DRC4: variants seen among roughly 807,000 people sequenced by gnomAD.
DRC4 encodes the protein dynein regulatory complex subunit 4, also known as GAS-11.
At chr16:90,024,842 G>T in the DRC4 span, among the ~76,000 whole-genome samples, 303 of 151,994 alleles carry the variant, frequency 2.0e-3, no homozygotes, top group African/African-American at 6.9e-3. Context: ...ACAAAAAAAT[G>T]CAACAGCAAA....
chr16:90,037,710 T>A, the DRC4 span: 1 of 1,538,604 alleles, frequency 6.5e-7, no homozygotes, highest in South Asian at 1.1e-5. Context: ...GTTACTTGGA[T>A]GACTGTGAAT....
chr16:90,025,672 AAGAG>A, the DRC4 span, among the ~76,000 whole-genome samples: 21 of 137,516 alleles, frequency 1.5e-4, no homozygotes, highest in African/African-American at 5.3e-4. Flanking sequence ...AAAAAAAAAA[AAGAG>A]AGTTCAAGAC....
chr16:90,040,092 T>C, the DRC4 span: 1 of 606,040 alleles, frequency 1.7e-6, no homozygotes. Flanking sequence ...TGCTGATGTG[T>C]TCCTCCTGCC....
the DRC4 span, chr16:90,037,614 G>A: frequency 9.4e-6 from 9 of 961,172 alleles, no homozygotes; most frequent in Middle Eastern, 2.3e-4. Context: ...GCTACCGGCC[G>A]GCCTTGGTGA....
At chr16:90,040,509 G>T in the DRC4 span, 2 of 1,596,480 alleles carry the variant, frequency 1.3e-6, no homozygotes, top group Non-Finnish European at 1.7e-6. Context: ...GCAAGCTGGA[G>T]GTAGGCCCTA....
At chr16:90,036,322 G>A in the DRC4 span, 5 of 1,460,886 alleles carry the variant, frequency 3.4e-6, no homozygotes, top group East Asian at 2.3e-5. Flanking sequence ...TCCATGTTCT[G>A]TAGCCGTAGG....
chr16:90,031,448 A>C, the DRC4 span: 2 of 1,603,844 alleles, frequency 1.2e-6, no homozygotes, highest in Non-Finnish European at 1.7e-6. Flanking sequence ...TGCGGAACAA[A>C]GACCGGGAGA....
chr16:90,037,411 G>T, the DRC4 span: 1 of 1,603,232 alleles, frequency 6.2e-7, no homozygotes, highest in Non-Finnish European at 8.5e-7. Flanking sequence ...TGAGTTTCCC[G>T]CTGGATTCCT....
chr16:90,043,798 T>A, the DRC4 span: 1 of 469,368 alleles, frequency 2.1e-6, no homozygotes, highest in Non-Finnish European at 4.4e-6. Flanking sequence ...GGGACTTCCC[T>A]AGGAAGTGGT....
At chr16:90,027,645 A>G in the DRC4 span, 1 of 1,614,126 alleles carries the variant, frequency 6.2e-7, no homozygotes. Flanking sequence ...GGCACCGAAA[A>G]AGAAAGGGAA....
the DRC4 span, chr16:90,029,177 C>T: frequency 3.7e-3 from 4,918 of 1,342,796 alleles, 174 homozygotes; most frequent in African/African-American, 0.07. Context: ...GGGCAGCTTA[C>T]GGGGCAGGCT....
the DRC4 span, chr16:90,022,872 CT>C: frequency 8.9e-6 from 7 of 784,676 alleles, no homozygotes; most frequent in Non-Finnish European, 1.2e-5. Context: ...TTGTGGGGGT[CT>C]CCGTGGGGCA....
the DRC4 span, chr16:90,042,997 GC>G: frequency 1.7e-6 from 1 of 579,482 alleles, no homozygotes. Flanking sequence ...AATAGTGACA[GC>G]CTCTCCCTGT....
chr16:90,043,380 G>A, the DRC4 span: 876 of 1,579,706 alleles, frequency 5.5e-4, no homozygotes, highest in Non-Finnish European at 6.8e-4. Context: ...CAGAGAACCA[G>A]CCTAGGAACA....
chr16:90,043,333 C>A, the DRC4 span: 1 of 1,598,842 alleles, frequency 6.3e-7, no homozygotes, highest in Non-Finnish European at 8.5e-7. Flanking sequence ...GACTGGTGGG[C>A]ACCCCGACGT....
chr16:90,029,134 GAGCCTACGGGGC>G, the DRC4 span: 409 of 1,237,798 alleles, frequency 3.3e-4, 1 homozygote, highest in African/African-American at 6.3e-3. Flanking sequence ...AGTGGCCATG[GAGCCTACGGGGC>G]AGCCTACGGG....
chr16:90,040,118 G>A, the DRC4 span: 22 of 634,882 alleles, frequency 3.5e-5, no homozygotes, highest in South Asian at 1.6e-4. Flanking sequence ...CTGCGTGGAT[G>A]GCTCTACAAA....
chr16:90,029,446 T>C, the DRC4 span: 2 of 692,302 alleles, frequency 2.9e-6, no homozygotes, highest in Non-Finnish European at 2.2e-6. Flanking sequence ...AATCTGAATA[T>C]TGAGTGATGG....
chr16:90,033,202 C>T, the DRC4 span, among the ~76,000 whole-genome samples: 3 of 152,178 alleles, frequency 2.0e-5, no homozygotes, highest in Non-Finnish European at 4.4e-5. Flanking sequence ...GCTGCTGACA[C>T]CTGACACCCA....
Sources: gnomAD v4.1 joint callset for allele counts (sites outside exome capture counted in the v4.1 genomes callset) on GRCh38, gnomAD v4.1.1 for gene constraint, MANE v1.5 for transcripts, NCBI Gene and HGNC (gene_info 2026-07-23, HGNC 2026-07-21) for gene names.